The following TBL1XR1 variants were observed in gnomAD, a reference collection of about 807,000 sequenced individuals.
TBL1XR1 encodes the protein TBL1X/Y related 1, also known as F-box-like/WD repeat-containing protein TBL1XR1.
A neutral mutation model predicts 66.9 loss-of-function variants in TBL1XR1; 5 were observed. The observed-to-expected ratio is 0.07, with a 90% CI of 0.04 to 0.16. The LOEUF (loss-of-function observed/expected upper bound fraction) is 0.16, where lower values mean the gene tolerates loss of function less well. Ranked by LOEUF, TBL1XR1 falls within the 10% of genes least tolerant of loss-of-function variation. TBL1XR1 has a pLI of 1.00. For synonymous variants in TBL1XR1, 210 were observed against 206.0 expected (o/e 1.02, Z -0.17); for missense variants, 238 against 623.2 (o/e 0.38, Z 6.58).
At chr3:177,033,523 T>C (rs544638459) in intron 13 of TBL1XR1, among the ~76,000 whole-genome samples, 122 of 152,266 alleles carry the variant, frequency 8.0e-4, no homozygotes, top group African/African-American at 2.4e-3. Context: ...CTTTTTTTTT[T>C]CTAAAGATAC....
In TBL1XR1 at chr3:177,034,306, T is replaced by A; in HGVS notation, c.1142A>T (p.Asp381Val). 1 of 1,587,112 alleles carries A rather than the reference T, an allele frequency of 6.3e-7. No individual in the cohort carries two copies. Among genetic ancestry groups the A allele is most frequent in the Non-Finnish European group, 8.5e-7 (1 of 1,172,328 alleles). ...MTLKIWSMKQ[D>V]NCVHDLQAHN... ...TGCTTGCAAATCATGGACACAATTG[T>A]CTTGTTTCATACTCCATATCTAAAC... The change falls in exon 13 of 16, where the codon GAC (aspartate) becomes GTC (valine). Residue 381 changes from aspartate to valine, a missense_variant. Asp to Val is a radical substitution (Grantham distance 152). Coordinates refer to ENST00000457928, the MANE Select transcript of TBL1XR1 (RefSeq NM_024665.7).
At chr3:177,199,079 A>G (rs1369499661), upstream of TBL1XR1, among the ~76,000 whole-genome samples, 1 of 152,188 alleles carries the variant, frequency 6.6e-6, no homozygotes, top group Non-Finnish European at 1.5e-5. Context: ...GAAAACCATC[A>G]GAGGAAAGGG....
chr3:177,071,031 G>GTTTTTTTTTTTTTTTTTTTTTTTT lies in TBL1XR1; in HGVS notation c.-45-6010_-45-6009insAAAAAAAAAAAAAAAAAAAAAAAA, dbSNP rs764951521. Among the ~76,000 whole-genome samples, 15 of 104,682 alleles carry GTTTTTTTTTTTTTTTTTTTTTTTT rather than the reference G, an allele frequency of 1.4e-4. 1 individual carries two copies. Among genetic ancestry groups the GTTTTTTTTTTTTTTTTTTTTTTTT allele is most frequent in the African/African-American group, 4.6e-4 (12 of 25,842 alleles). The allele number at this position is 104,682 out of a possible 152,430, so 68.7% of individuals were successfully genotyped here. A position where few individuals can be genotyped will look rare whatever the true frequency, so the allele number is the denominator to read the frequency against. The stretch of plus-strand genomic sequence containing the variant: ...TGGAACAGACATGTTCTGAGAATCT[G>GTTTTTTTTTTTTTTTTTTTTTTTT]TTTTTTTTTTTTTTTTTGAGACAGA... On this transcript the variant is annotated intron_variant, in intron 2 of 15. Transcript: ENST00000457928.
Position 177,025,394 on chromosome 3 carries a change from G to C in TBL1XR1, c.*104C>G. 1 of 1,198,802 alleles carries C rather than the reference G, an allele frequency of 8.3e-7. No individual in the cohort carries two copies. Among genetic ancestry groups the C allele is most frequent in the Non-Finnish European group, 1.2e-6 (1 of 824,600 alleles). The allele number at this position is 1,198,802 out of a possible 1,614,324, so 74.3% of individuals were successfully genotyped here. A position where few individuals can be genotyped will look rare whatever the true frequency, so the allele number is the denominator to read the frequency against. ...ATTTCTTTTAGATTTGGCTGTAGTG[G>C]ACTGGCCATGGTTCAAGTGGGACTA... is the stretch of plus-strand genomic sequence containing the variant. On this transcript the variant is annotated 3_prime_UTR_variant, in exon 16 of 16. Coordinates refer to ENST00000457928, the MANE Select transcript of TBL1XR1 (RefSeq NM_024665.7).
At chr3:177,166,050 A>G (rs1437395709) in intron 1 of TBL1XR1, among the ~76,000 whole-genome samples, 1 of 152,140 alleles carries the variant, frequency 6.6e-6, no homozygotes, top group Non-Finnish European at 1.5e-5. Context: ...AGATAACCTC[A>G]CTGCACTCCA....
At chr3:177,085,967 T>C (rs542775448) in intron 2 of TBL1XR1, among the ~76,000 whole-genome samples, 4 of 152,246 alleles carry the variant, frequency 2.6e-5, no homozygotes, top group East Asian at 1.9e-4. Context: ...AAGTATATGA[T>C]ATGGAATCAC....
In TBL1XR1 at chr3:177,020,937, A is replaced by G. The variant is rs1712270397; in HGVS notation, c.*4561T>C. The G allele has an allele frequency of 6.6e-6, 1 of 152,188 alleles. No individual in the cohort carries two copies. The highest frequency in any genetic ancestry group is 2.1e-4 in the South Asian group (1 of 4,828). 9.4% of individuals were successfully genotyped at this position (152,188 alleles called of 1,614,324 possible). A position where few individuals can be genotyped will look rare whatever the true frequency, so the allele number is the denominator to read the frequency against. On this transcript the variant is annotated 3_prime_UTR_variant, in exon 16 of 16. Transcript: ENST00000457928. ...GGAACTAAAATACGTCGTAAGTGTAATTAACATGGTCCAGGACAGCACAGA... is the reference window on the plus strand; with the variant it reads ...GGAACTAAAATACGTCGTAAGTGTAGTTAACATGGTCCAGGACAGCACAGA...
At chr3:177,156,950 G>A (rs913569537) in intron 1 of TBL1XR1, among the ~76,000 whole-genome samples, 5 of 152,176 alleles carry the variant, frequency 3.3e-5, no homozygotes, top group African/African-American at 7.2e-5. Flanking sequence ...TACCACAAAC[G>A]TAGTAGCTTA....
chr3:177,142,730 A>G (rs564777395), intron 1 of TBL1XR1, among the ~76,000 whole-genome samples: 22 of 152,382 alleles, frequency 1.4e-4, no homozygotes, highest in African/African-American at 5.3e-4. Flanking sequence ...TAATAAATTT[A>G]CAATAATAAA....
In TBL1XR1 at chr3:177,067,368, TATC is replaced by T. The variant is rs545177650; in HGVS notation, c.-45-2349_-45-2347del. ...AACAGTAAATTTTCTTTTCCCCTAA[TATC>T]ATTCAGTCCAAAACTTGGATGAAAG... On this transcript the variant is annotated intron_variant, in intron 2 of 15. Transcript: ENST00000457928. Among the ~76,000 whole-genome samples the T allele has an allele frequency of 3.4e-4, 52 of 152,296 alleles. No homozygotes were observed. The South Asian group carries it at 8.1e-3, about 24-fold the overall frequency.
intron 1 of TBL1XR1, among the ~76,000 whole-genome samples, chr3:177,172,517 G>A (rs9815160): frequency 0.027 from 4,051 of 151,890 alleles, 170 homozygotes; most frequent in African/African-American, 0.092. Context: ...CAGCATTTTG[G>A]GAGGCCAAGG....
intron 1 of TBL1XR1, among the ~76,000 whole-genome samples, chr3:177,109,467 T>A (rs777874293): frequency 6.6e-6 from 1 of 152,024 alleles, no homozygotes; most frequent in Non-Finnish European, 1.5e-5. Context: ...TGTCCTGCAG[T>A]AGACAACAGA....
chr3:177,040,071 C>T (rs182995608), intron 10 of TBL1XR1, among the ~76,000 whole-genome samples: 284 of 152,226 alleles, frequency 1.9e-3, no homozygotes, highest in Non-Finnish European at 2.5e-3. Context: ...TGTGACTCAG[C>T]GCTTTGGTAG....
At chr3:177,052,710 A>G (rs1245178454) in intron 4 of TBL1XR1, among the ~76,000 whole-genome samples, 2 of 152,184 alleles carry the variant, frequency 1.3e-5, no homozygotes, top group African/African-American at 4.8e-5. Flanking sequence ...AATCATTGAT[A>G]CAGAAATCAT....
At chr3:177,030,672 G>A (rs1048431978) in intron 14 of TBL1XR1, among the ~76,000 whole-genome samples, 2 of 152,200 alleles carry the variant, frequency 1.3e-5, no homozygotes, top group African/African-American at 4.8e-5. Flanking sequence ...GTAGATATAT[G>A]AGTGTTATAT....
intron 1 of TBL1XR1, among the ~76,000 whole-genome samples, chr3:177,108,805 C>A (rs946765909): frequency 1.3e-5 from 2 of 152,046 alleles, no homozygotes; most frequent in African/African-American, 4.8e-5. Flanking sequence ...AGACACTGGG[C>A]TAGCTGAGAC....
rs12635059 is a variant in TBL1XR1, at chr3:177,145,974, T to A, written c.-121-47433A>T. Among the ~76,000 whole-genome samples the A allele has an allele frequency of 0.018, 2,784 of 152,294 alleles. 164 individuals carry two copies. In the East Asian group the frequency reaches 0.21, roughly 11 times the overall value. Reference sequence around the variant, plus strand: ...AAAGTAATTTGCATTCCTGAAAGAATTGTCAAAGAACTGAAAGATGCAAGG... The same window carrying A: ...AAAGTAATTTGCATTCCTGAAAGAAATGTCAAAGAACTGAAAGATGCAAGG... On this transcript the variant is annotated intron_variant, in intron 1 of 15. Transcript: ENST00000457928.
At chr3:177,091,306 C>T (rs1226899999) in intron 2 of TBL1XR1, 1 of 151,970 alleles carries the variant, frequency 6.6e-6, no homozygotes, top group Non-Finnish European at 1.5e-5. Context: ...TTTACATGTA[C>T]TTAAAGTACT....
chr3:177,198,808 G>C (rs1174448990), upstream of TBL1XR1, among the ~76,000 whole-genome samples: 1 of 151,892 alleles, frequency 6.6e-6, no homozygotes, highest in Non-Finnish European at 1.5e-5. Context: ...AATAGATGTA[G>C]TGATCACTTT....
Sources: gnomAD v4.1 joint callset for allele counts (sites outside exome capture counted in the v4.1 genomes callset) on GRCh38, gnomAD v4.1.1 for gene constraint, MANE v1.5 for transcripts, NCBI Gene and HGNC (gene_info 2026-07-23, HGNC 2026-07-21) for gene names.